The following CADM2 variants were observed in gnomAD, a reference collection of about 807,000 sequenced individuals.
CADM2 encodes immunoglobulin superfamily member 4D.
In CADM2, 12 loss-of-function variants were observed where a neutral mutation model predicts 49.8. That is an observed-to-expected ratio of 0.24 (90% CI 0.15 to 0.39). The LOEUF is 0.39. CADM2 is among the 10% of genes least tolerant of loss of function. The probability of loss-of-function intolerance (pLI) is 1.00; values close to 1 mark genes in which losing one functional copy is unlikely to be tolerated. For synonymous variants in CADM2, 214 were observed against 175.4 expected, an observed-to-expected ratio of 1.22 and a Z score of -1.74; for missense variants, 378 against 492.3, an observed-to-expected ratio of 0.77 and a Z score of 2.20.
At chr3:85,670,196 A>T (rs973250988) in intron 1 of CADM2, among the ~76,000 whole-genome samples, 1 of 152,182 alleles carries the variant, frequency 6.6e-6, no homozygotes, top group African/African-American at 2.4e-5. Flanking sequence ...CAATAAATGA[A>T]CAATACTCTT....
chr3:86,065,033 C>T (rs1739149106), intron 8 of CADM2, among the ~76,000 whole-genome samples: 1 of 152,152 alleles, frequency 6.6e-6, no homozygotes, highest in African/African-American at 2.4e-5. Context: ...ATGTTCTCTC[C>T]TTTTCAGTCT....
chr3:85,251,544 C>A (rs2042775031), intron 1 of CADM2, among the ~76,000 whole-genome samples: 1 of 151,720 alleles, frequency 6.6e-6, no homozygotes, highest in Non-Finnish European at 1.5e-5. Context: ...AAAATATAAC[C>A]ATAACAAAAT....
chr3:85,496,015 T>C (rs1168355939), intron 1 of CADM2, among the ~76,000 whole-genome samples: 2 of 152,180 alleles, frequency 1.3e-5, no homozygotes, highest in Non-Finnish European at 2.9e-5. Flanking sequence ...CTATGAATAA[T>C]TATTCTTATT....
intron 1 of CADM2, among the ~76,000 whole-genome samples, chr3:85,105,754 C>CTA (rs1191821834): frequency 6.6e-6 from 1 of 152,072 alleles, no homozygotes; most frequent in African/African-American, 2.4e-5. Context: ...GCATGGGATA[C>CTA]TATGCAGCCA....
intron 1 of CADM2, among the ~76,000 whole-genome samples, chr3:85,287,934 C>T (rs1003842792): frequency 8.6e-6 from 1 of 116,198 alleles, no homozygotes; most frequent in African/African-American, 3.4e-5. Flanking sequence ...ACATCACACA[C>T]TGGGGACTGT....
chr3:85,256,424 G>C (rs867779512), intron 1 of CADM2, among the ~76,000 whole-genome samples: 1 of 152,054 alleles, frequency 6.6e-6, no homozygotes, highest in African/African-American at 2.4e-5. Flanking sequence ...TGAATCTGCC[G>C]GAGGAAATGC....
chr3:85,459,203 T>A (rs2038126637), intron 1 of CADM2, among the ~76,000 whole-genome samples: 1 of 152,200 alleles, frequency 6.6e-6, no homozygotes, highest in Non-Finnish European at 1.5e-5. Context: ...CCCATCTTTC[T>A]CTTACAGGGG....
At chr3:85,312,611 C>G (rs1335668074) in intron 1 of CADM2, among the ~76,000 whole-genome samples, 1 of 152,004 alleles carries the variant, frequency 6.6e-6, no homozygotes, top group African/African-American at 2.4e-5. Context: ...GCAAAAGACA[C>G]AAGAATTTTT....
chr3:86,063,462 T>C (rs1738934182), intron 8 of CADM2, among the ~76,000 whole-genome samples: 1 of 152,194 alleles, frequency 6.6e-6, no homozygotes, highest in Admixed American at 6.5e-5. Context: ...TGGATTCTCC[T>C]CTATTCATTC....
chr3:85,109,578 G>A (rs867009620), intron 1 of CADM2, among the ~76,000 whole-genome samples: 7 of 152,040 alleles, frequency 4.6e-5, no homozygotes, highest in Non-Finnish European at 1.0e-4. Context: ...ATGCTACTAT[G>A]GAAACAATAG....
intron 1 of CADM2, among the ~76,000 whole-genome samples, chr3:85,509,787 T>C (rs2040527635): frequency 6.6e-6 from 1 of 152,114 alleles, no homozygotes; most frequent in Non-Finnish European, 1.5e-5. Flanking sequence ...AAAATCATAC[T>C]GCTTCCTGAA....
At chr3:85,135,417 A>T (rs967969496) in intron 1 of CADM2, among the ~76,000 whole-genome samples, 1 of 152,062 alleles carries the variant, frequency 6.6e-6, no homozygotes, top group Admixed American at 6.6e-5. Context: ...CTATTGGCAC[A>T]ATATAATTTT....
chr3:86,048,561 C>A (rs1256328604), intron 8 of CADM2, among the ~76,000 whole-genome samples: 1 of 151,844 alleles, frequency 6.6e-6, no homozygotes, highest in Non-Finnish European at 1.5e-5. Flanking sequence ...TAAATTAAAT[C>A]CTATTAAAAT....
chr3:85,945,321 G>A lies in CADM2; in HGVS notation c.791+9464G>A, dbSNP rs189870452. ...AACAAAAAAAAGTCCCAGACCAGAC[G>A]GTTTCACAGCCGAATTCTACCAGAG... On this transcript the variant is annotated intron_variant, in intron 7 of 9. Transcript: ENST00000383699. 5.1e-3 allele frequency among the ~76,000 whole-genome samples: 777 copies of A among 152,134 alleles called. 4 individuals carry two copies. Among genetic ancestry groups the A allele is most frequent in the Non-Finnish European group, 8.9e-3 (603 of 67,994 alleles).
chr3:85,932,364 C>G (rs1175253964), intron 6 of CADM2, among the ~76,000 whole-genome samples: 1 of 152,060 alleles, frequency 6.6e-6, no homozygotes, highest in Non-Finnish European at 1.5e-5. Flanking sequence ...AGTGAACATG[C>G]CACATAGGTG....
At chr3:85,220,095 A>G (rs1234602027) in intron 1 of CADM2, among the ~76,000 whole-genome samples, 1 of 152,148 alleles carries the variant, frequency 6.6e-6, no homozygotes, top group Non-Finnish European at 1.5e-5. Context: ...TACCTCTGAA[A>G]TACACTAGAA....
intron 3 of CADM2, among the ~76,000 whole-genome samples, chr3:85,805,235 T>G (rs1485656209): frequency 2.0e-5 from 3 of 152,200 alleles, no homozygotes; most frequent in Non-Finnish European, 4.4e-5. Context: ...TGAGCCACCG[T>G]GCCGGGCCAG....
intron 8 of CADM2, among the ~76,000 whole-genome samples, chr3:86,042,394 G>T (rs1428898564): frequency 6.6e-6 from 1 of 152,064 alleles, no homozygotes; most frequent in African/African-American, 2.4e-5. Context: ...TGATAAAGGG[G>T]ATATCACTAC....
chr3:86,048,726 T>A (rs188829175), intron 8 of CADM2, among the ~76,000 whole-genome samples: 4 of 152,272 alleles, frequency 2.6e-5, no homozygotes, highest in Admixed American at 2.6e-4. Flanking sequence ...TCCATTGACA[T>A]GACATAACTA....
Sources: gnomAD v4.1 joint callset for allele counts (sites outside exome capture counted in the v4.1 genomes callset) on GRCh38, gnomAD v4.1.1 for gene constraint, MANE v1.5 for transcripts, NCBI Gene and HGNC (gene_info 2026-07-23, HGNC 2026-07-21) for gene names.